SMAP1: variants seen among roughly 807,000 people sequenced by gnomAD.
SMAP1 encodes stromal membrane-associated protein 1.
In SMAP1, 24 loss-of-function variants were observed where a neutral mutation model predicts 58.5. The observed-to-expected ratio is 0.41, with a 90% CI of 0.30 to 0.58. SMAP1 has a LOEUF of 0.58. Ranked by LOEUF, SMAP1 falls within the 20% of genes least tolerant of loss-of-function variation. SMAP1 has a pLI of 0.29. For missense variants in SMAP1, 563 were observed against 566.3 expected (o/e 0.99, Z 0.06); for synonymous variants, 216 against 196.6 (o/e 1.10, Z -0.82).
rs66981900 is a variant in SMAP1 at position 70,682,170 on chromosome 6, A to ATTT, written c.118+14063_118+14065dup. Among the ~76,000 whole-genome samples, 104 of 95,912 alleles carry ATTT rather than the reference A, an allele frequency of 1.1e-3. 8 individuals carry two copies. The highest frequency in any genetic ancestry group is 1.7e-3 in the Non-Finnish European group (85 of 50,666). The allele number at this position is 95,912 out of a possible 152,430, so 62.9% of individuals were successfully genotyped here. ...GGATTTAAGGTTATTCTCTGCACAG[A>ATTT]TTTTTTTTTTTTTTTTTTTTTTTTT... On this transcript the variant is annotated intron_variant, in intron 1 of 10. Coordinates refer to ENST00000370455, the MANE Select transcript of SMAP1 (RefSeq NM_001044305.3).
At chr6:70,764,441 T>G (rs573174417) in intron 3 of SMAP1, among the ~76,000 whole-genome samples, 1 of 152,348 alleles carries the variant, frequency 6.6e-6, no homozygotes, top group East Asian at 1.9e-4. Flanking sequence ...ACAGGCTGAC[T>G]TTCTTGTTAG....
intron 3 of SMAP1, among the ~76,000 whole-genome samples, chr6:70,766,730 T>C (rs1767006049): frequency 6.6e-6 from 1 of 152,220 alleles, no homozygotes; most frequent in Non-Finnish European, 1.5e-5. Context: ...TCTTTTGCTG[T>C]GCAGAAGCTC....
chr6:70,730,261 A>C (rs985946391), intron 1 of SMAP1, among the ~76,000 whole-genome samples: 4 of 151,738 alleles, frequency 2.6e-5, no homozygotes, highest in Non-Finnish European at 1.5e-5. Context: ...TCACTATGTT[A>C]CCCAGGCTGG....
intron 9 of SMAP1, 197 bp downstream of exon 9, chr6:70,857,227 C>CTTTA: frequency 2.3e-6 from 1 of 441,418 alleles, no homozygotes; most frequent in African/African-American, 2.0e-5. Context: ...ATTCACAGAA[C>CTTTA]TTTATTTGGA....
intron 6 of SMAP1, among the ~76,000 whole-genome samples, chr6:70,803,154 T>C (rs549346173): frequency 1.3e-5 from 2 of 152,212 alleles, no homozygotes; most frequent in Admixed American, 6.5e-5. Flanking sequence ...TTTTGGTTGG[T>C]AGGCTATTAT....
At chr6:70,851,087 T>A (rs1272422261) in intron 7 of SMAP1, among the ~76,000 whole-genome samples, 2 of 152,126 alleles carry the variant, frequency 1.3e-5, no homozygotes, top group African/African-American at 4.8e-5. Context: ...ATAATACATA[T>A]CAATATATTT....
intron 1 of SMAP1, among the ~76,000 whole-genome samples, chr6:70,717,795 C>T (rs533693203): frequency 6.6e-6 from 1 of 152,256 alleles, no homozygotes; most frequent in African/African-American, 2.4e-5. Flanking sequence ...AAAAACATTA[C>T]ATTTTACTAG....
intron 1 of SMAP1, among the ~76,000 whole-genome samples, chr6:70,704,964 G>GT (rs1229071442): frequency 6.6e-6 from 1 of 152,164 alleles, no homozygotes; most frequent in Non-Finnish European, 1.5e-5. Context: ...TATCTAACTT[G>GT]TTTTTCTCTG....
In SMAP1 at chr6:70,860,337, A is replaced by C. The variant is rs1562209116; in HGVS notation, c.*3A>C. On this transcript the variant is annotated 3_prime_UTR_variant, in exon 11 of 11. Transcript: ENST00000370455. Reference sequence around the variant, plus strand: ...TCAGCACACAACTGTGGAAATGAAAACTGCAATACAAGTTTCATCCAGAAC... The same window carrying C: ...TCAGCACACAACTGTGGAAATGAAACCTGCAATACAAGTTTCATCCAGAAC... 2 of 1,603,946 alleles carry C rather than the reference A, an allele frequency of 1.2e-6. No homozygotes were observed. The highest frequency in any genetic ancestry group is 1.7e-6 in the Non-Finnish European group (2 of 1,176,236).
intron 1 of SMAP1, among the ~76,000 whole-genome samples, chr6:70,729,225 G>A (rs1009095759): frequency 3.3e-5 from 5 of 152,044 alleles, no homozygotes; most frequent in Non-Finnish European, 7.4e-5. Context: ...GGATCACGAG[G>A]TCAGGAGATC....
At chr6:70,737,044 G>T (rs1460450341) in intron 2 of SMAP1, among the ~76,000 whole-genome samples, 1 of 152,206 alleles carries the variant, frequency 6.6e-6, no homozygotes, top group Non-Finnish European at 1.5e-5. Flanking sequence ...ACAACAAATA[G>T]CTTTGGCTGT....
chr6:70,834,779 A>C (rs1347489977), intron 6 of SMAP1, among the ~76,000 whole-genome samples: 1 of 152,216 alleles, frequency 6.6e-6, no homozygotes, highest in East Asian at 1.9e-4. Context: ...TCCTTTCTTC[A>C]TGACTACAGG....
At chr6:70,760,709 T>C (rs745498811) in intron 3 of SMAP1, among the ~76,000 whole-genome samples, 8 of 152,042 alleles carry the variant, frequency 5.3e-5, no homozygotes, top group Non-Finnish European at 1.0e-4. Context: ...GATATAAATA[T>C]AGTTGTCTCA....
At chr6:70,859,130 A>G (rs1028639549) in intron 10 of SMAP1, 7 of 463,588 alleles carry the variant, frequency 1.5e-5, no homozygotes, top group Admixed American at 1.2e-4. Context: ...TAACATTAGC[A>G]CAATCACTAT....
At chr6:70,769,106 G>A (rs1767145200) in intron 3 of SMAP1, among the ~76,000 whole-genome samples, 1 of 152,136 alleles carries the variant, frequency 6.6e-6, no homozygotes, top group Non-Finnish European at 1.5e-5. Flanking sequence ...TTGCACTGTG[G>A]TCTGAGAGAC....
intron 1 of SMAP1, among the ~76,000 whole-genome samples, chr6:70,687,295 A>T (rs1766973597): frequency 6.6e-6 from 1 of 152,186 alleles, no homozygotes; most frequent in African/African-American, 2.4e-5. Context: ...TTTCTTTGCC[A>T]TGTATTCTTT....
chr6:70,677,258 A>T (rs1766518640), intron 1 of SMAP1, among the ~76,000 whole-genome samples: 1 of 150,002 alleles, frequency 6.7e-6, no homozygotes, highest in Non-Finnish European at 1.5e-5. Context: ...TAGAAACAGC[A>T]TGATAGAATT....
chr6:70,848,600 G>A (rs1259894053), intron 7 of SMAP1, among the ~76,000 whole-genome samples: 1 of 152,140 alleles, frequency 6.6e-6, no homozygotes, highest in Non-Finnish European at 1.5e-5. Flanking sequence ...ATTGCTCTGT[G>A]TCCTAGTTGG....
intron 1 of SMAP1, among the ~76,000 whole-genome samples, chr6:70,675,280 C>G (rs1581979071): frequency 7.5e-6 from 1 of 133,146 alleles, no homozygotes; most frequent in Non-Finnish European, 1.5e-5. Context: ...ATCTTCAAAA[C>G]AACCTTTGAG....
Sources: gnomAD v4.1 joint callset for allele counts (sites outside exome capture counted in the v4.1 genomes callset) on GRCh38, gnomAD v4.1.1 for gene constraint, MANE v1.5 for transcripts, NCBI Gene and HGNC (gene_info 2026-07-23, HGNC 2026-07-21) for gene names.